The following KCNIP4 variants were observed in gnomAD, a reference collection of about 807,000 sequenced individuals.
The protein encoded by KCNIP4 is Kv channel-interacting protein 4.
In KCNIP4, 12 loss-of-function variants were observed where a neutral mutation model predicts 34.0. The ratio of observed to expected loss-of-function variants is 0.35; its 90% CI spans 0.23 to 0.57. The LOEUF (loss-of-function observed/expected upper bound fraction) is 0.57. Among genes scored for constraint, KCNIP4 ranks in the 20% least tolerant of loss-of-function variants. The pLI is 0.83. For synonymous variants in KCNIP4, 124 were observed against 102.2 expected (o/e 1.21, Z -1.29); for missense variants, 238 against 311.7 (o/e 0.76, Z 1.78).
intron 1 of KCNIP4, among the ~76,000 whole-genome samples, chr4:21,458,146 C>G (rs188508174): frequency 8.9e-6 from 1 of 112,032 alleles, no homozygotes; most frequent in Non-Finnish European, 1.8e-5. Flanking sequence ...CTCCCCCCTC[C>G]CCCCACCCTA....
chr4:21,693,107 T>TA lies in KCNIP4; in HGVS notation c.61+255463_61+255464insT, dbSNP rs1711865355. Among the ~76,000 whole-genome samples, 13 of 115,906 alleles carry TA rather than the reference T, an allele frequency of 1.1e-4. 1 individual carries two copies. Among genetic ancestry groups the TA allele is most frequent in the East Asian group, 2.1e-4 (1 of 4,876 alleles). 76.0% of individuals were successfully genotyped at this position (115,906 alleles called of 152,430 possible). On this transcript the variant is annotated intron_variant, in intron 1 of 8. Coordinates refer to ENST00000382152, the MANE Select transcript of KCNIP4 (RefSeq NM_025221.6). Reference sequence around the variant, plus strand: ...TCCGATTTTGCTTAGGATCACCTCTTCCAGACAGAGTGGTGGCCTTGAGTA... The same window carrying TA: ...TCCGATTTTGCTTAGGATCACCTCTTACCAGACAGAGTGGTGGCCTTGAGTA...
intron 1 of KCNIP4, among the ~76,000 whole-genome samples, chr4:21,221,278 T>G (rs1214885232): frequency 6.6e-6 from 1 of 152,182 alleles, no homozygotes; most frequent in Non-Finnish European, 1.5e-5. Flanking sequence ...TAGTAAGTAG[T>G]TGTAGCAGGG....
intron 1 of KCNIP4, among the ~76,000 whole-genome samples, chr4:21,640,054 T>C (rs1577736758): frequency 6.6e-6 from 1 of 152,332 alleles, no homozygotes; most frequent in Non-Finnish European, 1.5e-5. Flanking sequence ...TTTGTTCACT[T>C]GATCTAGAAC....
intron 1 of KCNIP4, among the ~76,000 whole-genome samples, chr4:21,897,207 T>C (rs1009840448): frequency 6.6e-6 from 1 of 152,124 alleles, no homozygotes; most frequent in Non-Finnish European, 1.5e-5. Context: ...CAAGAAACGA[T>C]AGTAAAGGCA....
At chr4:21,778,656 TAGA>T (rs1442193143) in intron 1 of KCNIP4, among the ~76,000 whole-genome samples, 1 of 152,182 alleles carries the variant, frequency 6.6e-6, no homozygotes, top group Admixed American at 6.5e-5. Flanking sequence ...AGAGCAAAGG[TAGA>T]AGCACATTTT....
At chr4:21,481,341 A>G (rs111930860) in intron 1 of KCNIP4, among the ~76,000 whole-genome samples, 3 of 152,298 alleles carry the variant, frequency 2.0e-5, no homozygotes, top group African/African-American at 7.2e-5. Context: ...GAACTTTCAG[A>G]GGCAATGCTG....
chr4:21,065,724 GTC>G (rs1310689524), intron 1 of KCNIP4, among the ~76,000 whole-genome samples: 3 of 52,762 alleles, frequency 5.7e-5, no homozygotes, highest in Non-Finnish European at 1.1e-4. Flanking sequence ...GGTATCATTT[GTC>G]TATATATATA....
chr4:21,910,473 T>C (rs1274756168), intron 1 of KCNIP4, among the ~76,000 whole-genome samples: 1 of 152,134 alleles, frequency 6.6e-6, no homozygotes, highest in African/African-American at 2.4e-5. Context: ...TCTCCTGATT[T>C]CATCATAGAA....
chr4:21,035,201 C>T (rs778978336), intron 1 of KCNIP4, among the ~76,000 whole-genome samples: 26 of 152,166 alleles, frequency 1.7e-4, no homozygotes, highest in Non-Finnish European at 3.2e-4. Context: ...ATCTTAAATA[C>T]ACTGAAGAAC....
chr4:21,634,340 A>G (rs1345498450), intron 1 of KCNIP4, among the ~76,000 whole-genome samples: 1 of 151,788 alleles, frequency 6.6e-6, no homozygotes, highest in Non-Finnish European at 1.5e-5. Flanking sequence ...TCTAGAGTAG[A>G]TGGCATGGCT....
At chr4:21,615,169 T>C (rs748124542) in intron 1 of KCNIP4, among the ~76,000 whole-genome samples, 34 of 151,802 alleles carry the variant, frequency 2.2e-4, no homozygotes, top group Non-Finnish European at 4.1e-4. Context: ...CTTTCAGTGA[T>C]AGAATAAAAA....
intron 1 of KCNIP4, among the ~76,000 whole-genome samples, chr4:21,476,162 A>G (rs928827338): frequency 6.6e-6 from 1 of 152,178 alleles, no homozygotes; most frequent in Non-Finnish European, 1.5e-5. Flanking sequence ...GAGTCAAAAT[A>G]CCTTCTGCAT....
At chr4:20,922,543 G>GTCTATCTA (rs772424861) in intron 1 of KCNIP4, among the ~76,000 whole-genome samples, 139 of 81,950 alleles carry the variant, frequency 1.7e-3, no homozygotes, top group Middle Eastern at 5.6e-3. Context: ...CTGTCTGTCT[G>GTCTATCTA]TCTGTCTATC....
chr4:20,898,034 G>T (rs1726749170), intron 1 of KCNIP4, among the ~76,000 whole-genome samples: 1 of 152,098 alleles, frequency 6.6e-6, no homozygotes, highest in African/African-American at 2.4e-5. Flanking sequence ...AGTGTGGGTG[G>T]ACATCATCTA....
At chr4:21,096,101 C>T (rs1747438531) in intron 1 of KCNIP4, among the ~76,000 whole-genome samples, 1 of 152,068 alleles carries the variant, frequency 6.6e-6, no homozygotes, top group African/African-American at 2.4e-5. Flanking sequence ...TAAAAATGCC[C>T]AAGGGAATGC....
At chr4:21,610,066 G>A (rs982955108) in intron 1 of KCNIP4, among the ~76,000 whole-genome samples, 2 of 152,238 alleles carry the variant, frequency 1.3e-5, no homozygotes, top group Admixed American at 6.5e-5. Context: ...TTCTCCTGCT[G>A]TCTTTAGATT....
chr4:21,821,199 C>G (rs1331199858), intron 1 of KCNIP4, among the ~76,000 whole-genome samples: 1 of 152,034 alleles, frequency 6.6e-6, no homozygotes, highest in African/African-American at 2.4e-5. Context: ...AGGTAGATAA[C>G]CTGACCTGCA....
intron 1 of KCNIP4, among the ~76,000 whole-genome samples, chr4:21,038,187 A>G (rs1741625940): frequency 6.6e-6 from 1 of 152,052 alleles, no homozygotes; most frequent in African/African-American, 2.4e-5. Context: ...CACGTTGGCC[A>G]GATGGTCTCG....
chr4:21,837,053 G>A (rs1723370636), intron 1 of KCNIP4, among the ~76,000 whole-genome samples: 1 of 151,254 alleles, frequency 6.6e-6, no homozygotes, highest in African/African-American at 2.4e-5. Flanking sequence ...AAATAGCTGG[G>A]ACTACAGGGG....
Sources: gnomAD v4.1 joint callset for allele counts (sites outside exome capture counted in the v4.1 genomes callset) on GRCh38, gnomAD v4.1.1 for gene constraint, MANE v1.5 for transcripts, NCBI Gene and HGNC (gene_info 2026-07-23, HGNC 2026-07-21) for gene names.